HERC6: variants seen among roughly 807,000 people sequenced by gnomAD.
HERC6 encodes the protein HECT and RLD domain containing E3 ubiquitin protein ligase family member 6.
In HERC6, 101 loss-of-function variants were observed where a neutral mutation model predicts 114.5. The observed-to-expected ratio is 0.88, with a 90% confidence interval of 0.75 to 1.04. HERC6 has a LOEUF of 1.04. Ranked by LOEUF, HERC6 falls within the 50% of genes least tolerant of loss-of-function variation. The pLI is 0.00. For synonymous variants in HERC6, 408 were observed against 436.2 expected, an observed-to-expected ratio of 0.94 and a Z score of 0.81; for missense variants, 1,133 against 1,230.9, an observed-to-expected ratio of 0.92 and a Z score of 1.19.
chr4:88,380,497 G>C (rs1025290714), intron 1 of HERC6, among the ~76,000 whole-genome samples: 2 of 135,156 alleles, frequency 1.5e-5, no homozygotes, highest in African/African-American at 2.8e-5. Flanking sequence ...GGCGGGCGGA[G>C]CACGAGGTCA....
chr4:88,382,102 G>A (rs1450583266), intron 1 of HERC6, among the ~76,000 whole-genome samples: 1 of 152,140 alleles, frequency 6.6e-6, no homozygotes, highest in Non-Finnish European at 1.5e-5. Context: ...CTTTGTGAGT[G>A]CATGAATCTT....
At chr4:88,418,077 A>C (rs779951675) in intron 13 of HERC6, among the ~76,000 whole-genome samples, 1 of 152,218 alleles carries the variant, frequency 6.6e-6, no homozygotes, top group Admixed American at 6.5e-5. Context: ...GTCATCTTTT[A>C]TAAGAATTTT....
chr4:88,405,533 C>T, intron 9 of HERC6, 21 bp from the exon 10 acceptor site: 2 of 1,438,556 alleles, frequency 1.4e-6, no homozygotes, highest in African/African-American at 1.4e-5. Context: ...TGTGACTTAC[C>T]CCTTGTTATT....
intron 12 of HERC6, among the ~76,000 whole-genome samples, chr4:88,417,063 C>T (rs1255258744): frequency 6.6e-6 from 1 of 152,048 alleles, no homozygotes; most frequent in East Asian, 1.9e-4. Flanking sequence ...GTCCTTGATG[C>T]CATTGTATGT....
At chr4:88,417,723 TG>T (rs1371331128) in intron 13 of HERC6, 144 bp downstream of exon 13, 18 of 645,314 alleles carry the variant, frequency 2.8e-5, no homozygotes, top group Non-Finnish European at 9.8e-6. Flanking sequence ...GGGAAATGTT[TG>T]GCATAAAATA....
intron 7 of HERC6, among the ~76,000 whole-genome samples, chr4:88,397,261 C>T (rs559275291): frequency 4.6e-5 from 7 of 151,332 alleles, no homozygotes; most frequent in East Asian, 2.0e-4. Flanking sequence ...TACAGGCATG[C>T]GCCACCATGC....
At chr4:88,413,481 A>G (rs1736247803) in intron 12 of HERC6, among the ~76,000 whole-genome samples, 1 of 152,192 alleles carries the variant, frequency 6.6e-6, no homozygotes, top group Non-Finnish European at 1.5e-5. Flanking sequence ...TGGCTTTGAC[A>G]TCAGAGTTTG....
chr4:88,395,868 T>C (rs952983191), intron 5 of HERC6, 147 bp from the exon 6 acceptor site: 9 of 589,208 alleles, frequency 1.5e-5, no homozygotes, highest in Non-Finnish European at 2.4e-5. Flanking sequence ...CATACACTAT[T>C]AGAAAAAATA....
chr4:88,432,616 C>A (rs1207985034), intron 17 of HERC6, among the ~76,000 whole-genome samples: 2 of 151,940 alleles, frequency 1.3e-5, no homozygotes, highest in Admixed American at 6.6e-5. Context: ...GTAATCCCAG[C>A]TACTTGGGAG....
At chr4:88,427,009 A>G (rs779437994) in intron 15 of HERC6, among the ~76,000 whole-genome samples, 107 of 152,134 alleles carry the variant, frequency 7.0e-4, no homozygotes, top group Non-Finnish European at 5.7e-4. Context: ...TCATTTGTCT[A>G]TTCTGCTAGT....
intron 14 of HERC6, among the ~76,000 whole-genome samples, chr4:88,424,236 C>T (rs984939770): frequency 3.3e-5 from 5 of 152,162 alleles, no homozygotes; most frequent in Non-Finnish European, 7.4e-5. Context: ...CCTGTAATCC[C>T]AGCACTTTGG....
chr4:88,428,511 G>A, intron 15 of HERC6, 69 bp from the exon 16 acceptor site: 1 of 1,170,146 alleles, frequency 8.5e-7, no homozygotes, highest in South Asian at 1.8e-5. Flanking sequence ...TTTATTGGAA[G>A]TATTAAACAA....
chr4:88,441,876 C>T (rs1465462352), intron 22 of HERC6, among the ~76,000 whole-genome samples: 1 of 152,168 alleles, frequency 6.6e-6, no homozygotes, highest in Admixed American at 6.5e-5. Context: ...CAGCCAAATC[C>T]TGTCTTGAGA....
chr4:88,407,836 G>A (rs1376869252), intron 10 of HERC6, among the ~76,000 whole-genome samples: 1 of 152,150 alleles, frequency 6.6e-6, no homozygotes, highest in Admixed American at 6.5e-5. Flanking sequence ...ACAAAGCGTT[G>A]GTACTGTTTC....
At chr4:88,393,195 C>A (rs1735011473) in intron 4 of HERC6, among the ~76,000 whole-genome samples, 1 of 151,978 alleles carries the variant, frequency 6.6e-6, no homozygotes, top group Non-Finnish European at 1.5e-5. Context: ...TTCTTTTTTT[C>A]TCTCCCAAGG....
Position 88,442,636 on chromosome 4 carries a change from G to A in HERC6, c.*176G>A, listed in dbSNP as rs1206865157. ...GGTGCAAAATCTCACACAAGACTGA[G>A]GCAGGAGAATAGGGTACAGAGATAG... is the stretch of plus-strand genomic sequence containing the variant. On this transcript the variant is annotated 3_prime_UTR_variant, in exon 23 of 23. Transcript: ENST00000264346. 3.2e-6 allele frequency: 2 copies of A among 626,012 alleles called. No homozygotes were observed. Among genetic ancestry groups the A allele is most frequent in the Non-Finnish European group, 5.7e-6 (2 of 348,804 alleles). 38.8% of individuals were successfully genotyped at this position (626,012 alleles called of 1,614,324 possible). A position where few individuals can be genotyped will look rare whatever the true frequency, so the allele number is the denominator to read the frequency against.
intron 20 of HERC6, 171 bp from the exon 21 acceptor site, chr4:88,439,699 ATTTC>A (rs1739134966): frequency 2.0e-6 from 1 of 512,816 alleles, no homozygotes. Context: ...TATTTTCTAA[ATTTC>A]TTTCTTCTAG....
Position 88,385,488 on chromosome 4 carries a change from T to G in HERC6, c.360-11T>G. 1 of 1,277,734 alleles carries G rather than the reference T, an allele frequency of 7.8e-7. No individual in the cohort carries two copies. The allele number at this position is 1,277,734 out of a possible 1,614,324, so 79.1% of individuals were successfully genotyped here. On this transcript the variant is annotated splice_polypyrimidine_tract_variant and intron_variant, in intron 2 of 22. Transcript: ENST00000264346. ...TAAGGATTAATCAATTTTGTATTAT[T>G]TGTATTATAGGAAAATAATGACTCT...
chr4:88,384,236 A>G (rs1214198215), intron 2 of HERC6, among the ~76,000 whole-genome samples: 1 of 152,216 alleles, frequency 6.6e-6, no homozygotes, highest in Non-Finnish European at 1.5e-5. Flanking sequence ...GGTGACATAT[A>G]TAAAACTTTA....
Sources: gnomAD v4.1 joint callset for allele counts (sites outside exome capture counted in the v4.1 genomes callset) on GRCh38, gnomAD v4.1.1 for gene constraint, MANE v1.5 for transcripts, NCBI Gene and HGNC (gene_info 2026-07-23, HGNC 2026-07-21) for gene names.